The following ZNF397 variants were observed in gnomAD, a reference collection of about 807,000 sequenced individuals.
ZNF397 encodes zinc finger protein 397, also known as zinc finger and SCAN domain-containing protein 15.
In ZNF397, 38 loss-of-function variants were observed where a neutral mutation model predicts 50.6. The observed-to-expected ratio is 0.75, with a 90% CI of 0.58 to 0.98. ZNF397 has a LOEUF of 0.98. ZNF397 is among the 50% of genes least tolerant of loss of function. ZNF397 has a pLI of 0.00. For missense variants in ZNF397, 624 were observed against 624.1 expected, an observed-to-expected ratio of 1.00 and a Z score of 0.00; for synonymous variants, 228 against 215.2, an observed-to-expected ratio of 1.06 and a Z score of -0.52.
At chr18:35,245,128 G>A in intron 3 of ZNF397, 134 bp from the exon 4 acceptor site, 1 of 1,156,556 alleles carries the variant, frequency 8.6e-7, no homozygotes, top group Non-Finnish European at 1.2e-6. Context: ...ACCCTCTTTT[G>A]GCCAGTTGAA....
downstream of ZNF397, chr18:35,253,663 C>A (rs776303797): frequency 6.2e-7 from 1 of 1,614,024 alleles, no homozygotes; most frequent in South Asian, 1.1e-5. Flanking sequence ...GGATAGAACT[C>A]CTACCAAAAG....
chr18:35,257,952 A>C (rs1321899696), exon 6 of ZNF397: 1 of 781,078 alleles, frequency 1.3e-6, no homozygotes, highest in South Asian at 1.3e-5. Context: ...ACACATCGTC[A>C]ATAAATCACC....
intron 2 of ZNF397, 34 bp downstream of exon 2, chr18:35,242,918 A>G (rs1230795684): frequency 1.9e-6 from 3 of 1,566,858 alleles, no homozygotes; most frequent in East Asian, 4.5e-5. Flanking sequence ...GGGAAAAGGA[A>G]TTTACAGCCT....
chr18:35,246,739 A>G lies in ZNF397; in HGVS notation c.*429A>G. Reference sequence around the variant, plus strand: ...AAAAAAAAAACTGACCCAATAAAGAACAGTGACAGAGCAGCAGGAAAGGTG... The same window carrying G: ...AAAAAAAAAACTGACCCAATAAAGAGCAGTGACAGAGCAGCAGGAAAGGTG... On this transcript the variant is annotated 3_prime_UTR_variant, in exon 4 of 4. Transcript: ENST00000330501. The G allele has an allele frequency of 1.0e-6, 1 of 989,456 alleles. No homozygotes were observed. The highest frequency in any genetic ancestry group is 1.2e-6 in the Non-Finnish European group (1 of 832,836). The allele number at this position is 989,456 out of a possible 1,614,324, so 61.3% of individuals were successfully genotyped here.
At chr18:35,251,244 A>G (rs1017533804), downstream of ZNF397, 1 of 152,196 alleles carries the variant, frequency 6.6e-6, no homozygotes, top group African/African-American at 2.4e-5. Flanking sequence ...CAACGTTTCT[A>G]TGGGCATTGG....
At chr18:35,241,171 A>T (rs1208034166) in intron 1 of ZNF397, 62 bp downstream of exon 1, 1 of 152,138 alleles carries the variant, frequency 6.6e-6, no homozygotes, top group Non-Finnish European at 1.5e-5. Context: ...CGGACAGTGG[A>T]GGAGCTCCGC....
chr18:35,246,404 T>G lies in ZNF397; in HGVS notation c.*94T>G. On this transcript the variant is annotated 3_prime_UTR_variant, in exon 4 of 4. Transcript: ENST00000330501. ...CTTTGGAGCAAAACTCCATAAAGGT[T>G]ATAAAATACTAGGTCTTGAGTCTAG... The G allele has an allele frequency of 6.9e-7, 1 of 1,458,396 alleles. No homozygotes were observed. The highest frequency in any genetic ancestry group is 1.5e-5 in the South Asian group (1 of 66,304). 90.3% of individuals were successfully genotyped at this position (1,458,396 alleles called of 1,614,324 possible). A position where few individuals can be genotyped will look rare whatever the true frequency, so the allele number is the denominator to read the frequency against.
In ZNF397 at chr18:35,245,464, A is replaced by C. The variant is rs1213167442; in HGVS notation, c.759A>C (p.Leu253=). The C allele has an allele frequency of 1.3e-6, 2 of 1,553,602 alleles. No homozygotes were observed. The highest frequency in any genetic ancestry group is 4.9e-5 in the East Asian group (2 of 40,972). Residue 253 remains leucine (L), a synonymous_variant, in exon 4 of 4, where the codon CTA becomes CTC. Coordinates refer to ENST00000330501, the MANE Select transcript of ZNF397 (RefSeq NM_001135178.3). ...AAGTGATCTTCACAAACAAATCTCTAGGAAAGAGAGACCTTTATGATGAGG... is the reference window on the plus strand; with the variant it reads ...AAGTGATCTTCACAAACAAATCTCTCGGAAAGAGAGACCTTTATGATGAGG... ...FSQVIFTNKS[L]GKRDLYDEAE...
At chr18:35,255,171 G>C (rs147551103) in intron 5 of ZNF397, among the ~76,000 whole-genome samples, 283 of 151,346 alleles carry the variant, frequency 1.9e-3, no homozygotes, top group African/African-American at 6.6e-3. Flanking sequence ...CCCAGAGCCA[G>C]ACCTTCTGGC....
downstream of ZNF397, chr18:35,258,468 C>G (rs999668397): frequency 1.3e-5 from 2 of 156,148 alleles, no homozygotes; most frequent in African/African-American, 4.8e-5. Context: ...TCTTGATCCC[C>G]AAACTTCAGA....
rs200667946 is a variant in ZNF397, at chr18:35,242,891, A to G, written c.414+7A>G. ...TGATGACCCAGGGCAGCAGGTGGGA[A>G]CGGAGAAAAGTGATGTGGGAAAAGG... On this transcript the variant is annotated splice_region_variant and intron_variant, in intron 2 of 3. Coordinates refer to ENST00000330501, the MANE Select transcript of ZNF397 (RefSeq NM_001135178.3). The G allele has an allele frequency of 1.5e-4, 235 of 1,593,196 alleles. No homozygotes were observed. The highest frequency in any genetic ancestry group is 1.9e-4 in the Non-Finnish European group (222 of 1,169,966).
chr18:35,245,436 G>A lies in ZNF397; in HGVS notation c.731G>A (p.Ser244Asn). 2 of 1,561,496 alleles carry A rather than the reference G, an allele frequency of 1.3e-6. No individual in the cohort carries two copies. The highest frequency in any genetic ancestry group is 1.7e-6 in the Non-Finnish European group (2 of 1,152,376). The change falls in exon 4 of 4, where the codon AGT becomes AAT. Residue 244 changes from serine to asparagine, a missense_variant. Ser to Asn is a conservative substitution (Grantham distance 46, BLOSUM62 1). Coordinates refer to ENST00000330501, the MANE Select transcript of ZNF397 (RefSeq NM_001135178.3). The stretch of plus-strand genomic sequence containing the variant: ...TCTCCTTCCCAAGGGGGCAGTTTTA[G>A]TCAAGTGATCTTCACAAACAAATCT... ...LRSPSQGGSF[S>N]QVIFTNKSLG...
At chr18:35,250,575 C>T (rs2043561098), downstream of ZNF397, among the ~76,000 whole-genome samples, 1 of 152,138 alleles carries the variant, frequency 6.6e-6, no homozygotes, top group South Asian at 2.1e-4. Context: ...TTTCCATAGC[C>T]TGCAACTAAT....
rs1361368252 is a variant in ZNF397, at chr18:35,248,022, C to CT, written c.*1713dup. On this transcript the variant is annotated 3_prime_UTR_variant, in exon 4 of 4. Coordinates refer to ENST00000330501, the MANE Select transcript of ZNF397 (RefSeq NM_001135178.3). The stretch of plus-strand genomic sequence containing the variant: ...TGCTAAAAGGAAGTGACAACTGAAA[C>CT]TAATGGTCACAGTCAGTCAAGACTT... 1.3e-5 allele frequency: 2 copies of CT among 152,180 alleles called. No individual in the cohort carries two copies. The highest frequency in any genetic ancestry group is 3.8e-4 in the East Asian group (2 of 5,196). The allele number at this position is 152,180 out of a possible 1,614,324, so 9.4% of individuals were successfully genotyped here. A position where few individuals can be genotyped will look rare whatever the true frequency, so the allele number is the denominator to read the frequency against.
chr18:35,245,641 C>T lies in ZNF397; in HGVS notation c.936C>T (p.Pro312=), dbSNP rs1471294901. The part of the protein sequence containing the change: ...QHQRIHTGEK[P]YKCNQCGKAF... ...AGAGAATCCATACTGGAGAAAAGCC[C>T]TATAAATGTAACCAGTGTGGGAAGG... is the stretch of plus-strand genomic sequence containing the variant. The change falls in exon 4 of 4, where the codon CCC becomes CCT. Residue 312 remains proline, a synonymous_variant. Coordinates refer to ENST00000330501, the MANE Select transcript of ZNF397 (RefSeq NM_001135178.3). The T allele has an allele frequency of 2.6e-6, 4 of 1,554,472 alleles. No homozygotes were observed. Among genetic ancestry groups the T allele is most frequent in the Non-Finnish European group, 3.5e-6 (4 of 1,148,518 alleles).
chr18:35,257,573 C>T, intron 5 of ZNF397: 1 of 271,148 alleles, frequency 3.7e-6, no homozygotes, highest in East Asian at 8.5e-5. Flanking sequence ...TCTGCTAGCA[C>T]CTTGAACTTC....
chr18:35,254,625 C>A, downstream of ZNF397: 2 of 624,608 alleles, frequency 3.2e-6, no homozygotes, highest in Non-Finnish European at 5.3e-6. Context: ...CAAGGAAAGA[C>A]ATTAGTTAGA....
intron 3 of ZNF397, chr18:35,243,670 G>C: frequency 2.2e-6 from 1 of 455,998 alleles, no homozygotes; most frequent in South Asian, 2.8e-5. Flanking sequence ...CACATCTAAA[G>C]GCACCTAACC....
intron 2 of ZNF397, 119 bp from the exon 3 acceptor site, chr18:35,243,032 TG>T: frequency 6.6e-7 from 1 of 1,515,726 alleles, no homozygotes; most frequent in South Asian, 1.3e-5. Flanking sequence ...TACCCTTGAA[TG>T]GTCTTTTTCC....
Sources: allele counts gnomAD v4.1 joint callset (sites outside exome capture counted in the v4.1 genomes callset), GRCh38; gene constraint gnomAD v4.1.1; transcripts MANE v1.5; gene names NCBI Gene and HGNC (gene_info 2026-07-23, HGNC 2026-07-21).